The following UGT1A5 variants were observed in gnomAD, a reference collection of about 807,000 sequenced individuals.
UGT1A5 encodes the protein UDP glucuronosyltransferase family 1 member A5, also known as UDP-glucuronosyltransferase 1A5.
A neutral mutation model predicts 40.3 loss-of-function variants in UGT1A5; 29 were observed. The ratio of observed to expected loss-of-function variants is 0.72; its 90% CI spans 0.54 to 0.98. UGT1A5 has a LOEUF of 0.98. Ranked by LOEUF, UGT1A5 falls within the 50% of genes least tolerant of loss-of-function variation. The pLI is 0.00. For synonymous variants in UGT1A5, 257 were observed against 262.5 expected (o/e 0.98, Z 0.20); for missense variants, 678 against 677.9 (o/e 1.00, Z 0.00).
At chr2:233,745,962 G>A (rs1693268115) in intron 1 of UGT1A5, among the ~76,000 whole-genome samples, 2 of 151,772 alleles carry the variant, frequency 1.3e-5, no homozygotes, top group Admixed American at 1.3e-4. Context: ...GGGGGACAGG[G>A]GCCCTGAAAT....
intron 1 of UGT1A5, chr2:233,747,208 G>A (rs1315527949): frequency 4.4e-6 from 7 of 1,605,016 alleles, no homozygotes; most frequent in Non-Finnish European, 5.1e-6. Flanking sequence ...CGTGTCTTCT[G>A]CTGAGATGGC....
intron 1 of UGT1A5, among the ~76,000 whole-genome samples, chr2:233,735,187 T>C (rs1397498111): frequency 6.8e-6 from 1 of 147,662 alleles, no homozygotes; most frequent in African/African-American, 2.5e-5. Flanking sequence ...GCTTTATGAA[T>C]CTAGGTGCTC....
In UGT1A5 at chr2:233,713,026, T is replaced by G; in HGVS notation, c.35T>G (p.Leu12Arg). 1 of 1,613,848 alleles carries G rather than the reference T, an allele frequency of 6.2e-7. No homozygotes were observed. The highest frequency in any genetic ancestry group is 8.5e-7 in the Non-Finnish European group (1 of 1,180,020). ...GGACTCCAGGTTCCCCTGCCGCAGC[T>G]GGCCACAGGACTGCTGCTTCTCCTC... Reference protein sequence around the residue: ...ATGLQVPLPQLATGLLLLLSV... With the variant: ...ATGLQVPLPQRATGLLLLLSV... The change falls in exon 1 of 5, where the codon CTG (leucine) becomes CGG (arginine). Residue 12 changes from leucine (L) to arginine (R), a missense_variant. Leu to Arg is a moderately radical substitution (Grantham distance 102). Transcript: ENST00000373414.
At chr2:233,762,404 G>A (rs1193458401) in intron 1 of UGT1A5, among the ~76,000 whole-genome samples, 1 of 152,070 alleles carries the variant, frequency 6.6e-6, no homozygotes, top group Non-Finnish European at 1.5e-5. Flanking sequence ...AAATTTTTTG[G>A]TTGCTTTTTC....
chr2:233,714,809 G>C (rs545646081), intron 1 of UGT1A5, among the ~76,000 whole-genome samples: 1 of 152,174 alleles, frequency 6.6e-6, no homozygotes, highest in Admixed American at 6.5e-5. Flanking sequence ...ATATTCATAT[G>C]TAGTTAGTGA....
At chr2:233,718,552 G>C (rs536854799) in intron 1 of UGT1A5, among the ~76,000 whole-genome samples, 10 of 152,348 alleles carry the variant, frequency 6.6e-5, no homozygotes, top group Admixed American at 2.6e-4. Context: ...GAATGAGAAA[G>C]AAGAGCTTGA....
At chr2:233,714,115 C>T (rs575148035) in intron 1 of UGT1A5, among the ~76,000 whole-genome samples, 6 of 152,210 alleles carry the variant, frequency 3.9e-5, no homozygotes, top group African/African-American at 1.4e-4. Context: ...GTGTGACTCA[C>T]GGAGACTGTT....
At position 233,760,649 on chromosome 2, in the gene UGT1A5, C is replaced by T; in HGVS notation, c.868-6385C>T. The T allele has an allele frequency of 6.2e-7, 1 of 1,614,206 alleles. No individual in the cohort carries two copies. The highest frequency in any genetic ancestry group is 2.2e-5 in the East Asian group (1 of 44,882). On this transcript the variant is annotated intron_variant, in intron 1 of 4. Coordinates refer to ENST00000373414, the MANE Select transcript of UGT1A5 (RefSeq NM_019078.2). ...TACAAGAAAATAAAAAAGGACTCTG[C>T]TATGCTTTTGTCTGGCTGTTCCCAC...
chr2:233,737,584 A>G (rs552596961), intron 1 of UGT1A5, among the ~76,000 whole-genome samples: 5 of 152,256 alleles, frequency 3.3e-5, no homozygotes, highest in South Asian at 4.2e-4. Context: ...ACCAGTCCCA[A>G]TGAGATGAAC....
rs552863758 is a variant in UGT1A5 at position 233,736,767 on chromosome 2, G to A, written c.867+22909G>A. Among the ~76,000 whole-genome samples, 7 of 152,324 alleles carry A rather than the reference G, an allele frequency of 4.6e-5. No individual in the cohort carries two copies. In the South Asian group the frequency reaches 1.2e-3, roughly 27 times the overall value. On this transcript the variant is annotated intron_variant, in intron 1 of 4. Transcript: ENST00000373414. ...CTGTTTGTTAGTTTTCCTTCTAACA[G>A]TCAGATCCCTCAGCTGCAGGTCTGT... is the stretch of plus-strand genomic sequence containing the variant.
intron 1 of UGT1A5, chr2:233,747,072 T>G: frequency 9.8e-7 from 1 of 1,024,480 alleles, no homozygotes; most frequent in South Asian, 1.7e-5. Flanking sequence ...TCGGTAATAA[T>G]TAACTAGGAG....
In UGT1A5 at chr2:233,713,109, C is replaced by G; in HGVS notation, c.118C>G (p.His40Asp). The G allele has an allele frequency of 2.5e-6, 4 of 1,614,208 alleles. No homozygotes were observed. The highest frequency in any genetic ancestry group is 3.4e-6 in the Non-Finnish European group (4 of 1,180,026). The change falls in exon 1 of 5, where the codon CAC (histidine) becomes GAC (aspartate). Residue 40 changes from histidine (H) to aspartate (D), a missense_variant. Transcript: ENST00000373414. ...KVLVVPTDGS[H>D]WLSMREALRD... ...GCTGGTGGTGCCCACTGATGGCAGC[C>G]ACTGGCTCAGCATGCGGGAGGCCTT...
chr2:233,764,999 A>G (rs984767809), intron 1 of UGT1A5, among the ~76,000 whole-genome samples: 8 of 151,978 alleles, frequency 5.3e-5, no homozygotes, highest in Admixed American at 1.3e-4. Flanking sequence ...TTTCCTGGTC[A>G]TGTTCCAAAT....
chr2:233,738,227 A>G (rs1250315362), intron 1 of UGT1A5, among the ~76,000 whole-genome samples: 1 of 151,870 alleles, frequency 6.6e-6, no homozygotes, highest in African/African-American at 2.4e-5. Context: ...AAGTTTCCTG[A>G]GGCCCCTCCA....
rs45569333 is a variant in UGT1A5, at chr2:233,718,151, T to A, written c.867+4293T>A. The A allele has an allele frequency of 1.8e-4, 44 of 241,004 alleles. No individual in the cohort carries two copies. The East Asian group carries it at 3.7e-3, about 20-fold the overall frequency. The allele number at this position is 241,004 out of a possible 1,614,324, so 14.9% of individuals were successfully genotyped here. ...TAGATGGAGAATCCTCAATAAAGCC[T>A]TCCCAAGAATATGATCATCACATCT... On this transcript the variant is annotated intron_variant, in intron 1 of 4. Transcript: ENST00000373414.
At chr2:233,742,102 G>T (rs1682785139) in intron 1 of UGT1A5, 1 of 151,856 alleles carries the variant, frequency 6.6e-6, no homozygotes, top group South Asian at 2.1e-4. Context: ...AGGACCCACT[G>T]CCAAGACCAG....
Position 233,730,884 on chromosome 2 carries a change from T to A in UGT1A5, c.867+17026T>A, listed in dbSNP as rs1262820640. Among the ~76,000 whole-genome samples, 3 of 152,194 alleles carry A rather than the reference T, an allele frequency of 2.0e-5. No individual in the cohort carries two copies. In the South Asian group the frequency reaches 6.2e-4, roughly 32 times the overall value. On this transcript the variant is annotated intron_variant, in intron 1 of 4. Coordinates refer to ENST00000373414, the MANE Select transcript of UGT1A5 (RefSeq NM_019078.2). ...CCTACTGCACTCCAGGTTTCTATAG[T>A]GGGATCTACTCCTTTACCAAAAATT...
At chr2:233,717,885 C>T (rs1165690902) in intron 1 of UGT1A5, 3 of 454,846 alleles carry the variant, frequency 6.6e-6, no homozygotes, top group South Asian at 3.1e-5. Flanking sequence ...AAAGCCTGGC[C>T]ATAATCTTCA....
intron 1 of UGT1A5, among the ~76,000 whole-genome samples, chr2:233,721,208 T>C (rs1235207261): frequency 6.6e-6 from 1 of 152,250 alleles, no homozygotes; most frequent in East Asian, 1.9e-4. Flanking sequence ...ACTGGTTTTC[T>C]TTTCCCCTTA....
Sources: gnomAD v4.1 joint callset for allele counts (sites outside exome capture counted in the v4.1 genomes callset) on GRCh38, gnomAD v4.1.1 for gene constraint, MANE v1.5 for transcripts, NCBI Gene and HGNC (gene_info 2026-07-23, HGNC 2026-07-21) for gene names.